The following KALRN variants were observed in gnomAD, a reference collection of about 807,000 sequenced individuals.
KALRN encodes kalirin.
KALRN carries 70 observed loss-of-function variants against 353.7 expected under a neutral mutation model. The observed-to-expected ratio is 0.20, with a 90% confidence interval of 0.16 to 0.24. The LOEUF (loss-of-function observed/expected upper bound fraction) is 0.24. Ranked by LOEUF, KALRN falls within the 10% of genes least tolerant of loss-of-function variation. The pLI is 1.00. For missense variants in KALRN, 2,791 were observed against 3,756.7 expected (o/e 0.74, Z 6.72); for synonymous variants, 1,391 against 1,434.8 (o/e 0.97, Z 0.69).
At chr3:124,107,243 T>A (rs1003924350) in intron 1 of KALRN, among the ~76,000 whole-genome samples, 1 of 152,182 alleles carries the variant, frequency 6.6e-6, no homozygotes. Flanking sequence ...GGACGTTAAG[T>A]CTTAGAGACA....
intron 8 of KALRN, among the ~76,000 whole-genome samples, chr3:124,330,229 T>TTCTCTC (rs369909557): frequency 5.2e-5 from 7 of 135,126 alleles, no homozygotes; most frequent in African/African-American, 2.1e-4. Flanking sequence ...CTCGCATTCA[T>TTCTCTC]TCTCTCTCTC....
intron 1 of KALRN, among the ~76,000 whole-genome samples, chr3:124,090,619 A>C (rs1201936651): frequency 6.6e-6 from 1 of 151,936 alleles, no homozygotes; most frequent in African/African-American, 2.4e-5. Context: ...CTAATGGGGG[A>C]CTCAGAATCT....
At chr3:124,496,012 T>TATATATATAA (rs1345047394) in intron 32 of KALRN, among the ~76,000 whole-genome samples, 1 of 43,700 alleles carries the variant, frequency 2.3e-5, no homozygotes, top group Non-Finnish European at 3.8e-5. Flanking sequence ...TATATATATA[T>TATATATATAA]ACACACACAT....
intron 34 of KALRN, among the ~76,000 whole-genome samples, chr3:124,601,201 T>C (rs1038753992): frequency 6.6e-6 from 1 of 152,216 alleles, no homozygotes; most frequent in South Asian, 2.1e-4. Flanking sequence ...GTTGTGAAGA[T>C]TCAAGTGAAA....
chr3:124,371,728 A>G (rs1411517304), intron 10 of KALRN, among the ~76,000 whole-genome samples: 1 of 152,168 alleles, frequency 6.6e-6, no homozygotes, highest in Non-Finnish European at 1.5e-5. Context: ...CAGGCATGCA[A>G]TGTGAAATAA....
chr3:124,085,342 T>C (rs1577907665), intron 1 of KALRN, among the ~76,000 whole-genome samples: 1 of 152,352 alleles, frequency 6.6e-6, no homozygotes, highest in South Asian at 2.1e-4. Context: ...ATAGTTTCCA[T>C]TGCTGACCAA....
At chr3:124,051,613 G>GGTT (rs2041053794) in intron 1 of KALRN, among the ~76,000 whole-genome samples, 3 of 152,082 alleles carry the variant, frequency 2.0e-5, no homozygotes, top group South Asian at 2.1e-4. Context: ...GGAGTTGTTT[G>GGTT]GTTGTTGTTG....
At chr3:124,570,174 T>C (rs1370943685) in intron 34 of KALRN, among the ~76,000 whole-genome samples, 2 of 152,214 alleles carry the variant, frequency 1.3e-5, no homozygotes, top group Non-Finnish European at 2.9e-5. Flanking sequence ...GGTTTTTCAT[T>C]TATGCCATAA....
intron 19 of KALRN, among the ~76,000 whole-genome samples, chr3:124,445,637 G>A (rs149818736): frequency 6.6e-4 from 100 of 152,284 alleles, no homozygotes; most frequent in African/African-American, 1.1e-3. Context: ...AGGCTGTGCC[G>A]TTAAAGTGCT....
At chr3:124,519,792 C>A in intron 33 of KALRN, 1 of 985,408 alleles carries the variant, frequency 1.0e-6, no homozygotes, top group Non-Finnish European at 1.2e-6. Context: ...AGAATTGCTG[C>A]TGTCTTTTTT....
chr3:124,208,965 C>CAATAATAAT (rs757968593), intron 1 of KALRN, among the ~76,000 whole-genome samples: 3 of 150,976 alleles, frequency 2.0e-5, no homozygotes, highest in Non-Finnish European at 4.4e-5. Context: ...GACTCTGTCT[C>CAATAATAAT]AATAATAATA....
At chr3:124,382,503 A>G (rs2087539722) in intron 10 of KALRN, among the ~76,000 whole-genome samples, 1 of 152,118 alleles carries the variant, frequency 6.6e-6, no homozygotes, top group Admixed American at 6.5e-5. Flanking sequence ...GACCGAGGGG[A>G]TTTCTGGGAC....
intron 10 of KALRN, among the ~76,000 whole-genome samples, chr3:124,351,299 T>A (rs149519350): frequency 1.6e-4 from 24 of 152,270 alleles, no homozygotes; most frequent in African/African-American, 5.3e-4. Context: ...GTTTATGAGA[T>A]GTGTTCAGGA....
At chr3:124,479,525 A>G (rs1010419317) in intron 27 of KALRN, among the ~76,000 whole-genome samples, 1 of 152,134 alleles carries the variant, frequency 6.6e-6, no homozygotes, top group Non-Finnish European at 1.5e-5. Flanking sequence ...AAAAGGCATA[A>G]TCTTTGTGGC....
intron 6 of KALRN, among the ~76,000 whole-genome samples, chr3:124,305,796 A>G (rs1237767656): frequency 2.0e-5 from 3 of 152,210 alleles, no homozygotes; most frequent in African/African-American, 7.2e-5. Context: ...TTGCTGCTAT[A>G]TGACCTAAAA....
At chr3:124,080,073 A>G (rs142961352) in intron 1 of KALRN, 208 of 471,214 alleles carry the variant, frequency 4.4e-4, no homozygotes, top group African/African-American at 3.6e-3. Flanking sequence ...GATCCAACCC[A>G]TTGTTCCAGA....
chr3:124,365,534 A>C (rs555029849), intron 10 of KALRN, among the ~76,000 whole-genome samples: 281 of 152,314 alleles, frequency 1.8e-3, no homozygotes, highest in Admixed American at 2.2e-3. Flanking sequence ...GTGAGATAAA[A>C]GTGGACTTGG....
chr3:124,547,713 TC>T, intron 33 of KALRN, among the ~76,000 whole-genome samples: 1 of 152,092 alleles, frequency 6.6e-6, no homozygotes, highest in Non-Finnish European at 1.5e-5. Context: ...ACAATGTGGC[TC>T]CCCTGTCATG....
chr3:124,651,004 TG>T (rs1480984846), intron 38 of KALRN, 66 bp downstream of exon 38: 1 of 1,588,878 alleles, frequency 6.3e-7, no homozygotes, highest in African/African-American at 1.4e-5. Context: ...GGACAAAGGT[TG>T]GGGAAAATTC....
Sources: gnomAD v4.1 joint callset for allele counts (sites outside exome capture counted in the v4.1 genomes callset) on GRCh38, gnomAD v4.1.1 for gene constraint, MANE v1.5 for transcripts, NCBI Gene and HGNC (gene_info 2026-07-23, HGNC 2026-07-21) for gene names.